The following FGF18 variants were observed in gnomAD, a reference collection of about 807,000 sequenced individuals.
FGF18 encodes fibroblast growth factor 18.
Under a neutral mutation model 23.0 loss-of-function variants are expected in FGF18, and 5 were observed. The observed-to-expected ratio is 0.22, with a 90% confidence interval of 0.11 to 0.46. The LOEUF (loss-of-function observed/expected upper bound fraction) is 0.46, where lower values mean the gene tolerates loss of function less well. Among genes scored for constraint, FGF18 ranks in the 20% least tolerant of loss-of-function variants. The pLI, the probability that FGF18 is intolerant of heterozygous loss-of-function variation, is 0.99. For missense variants in FGF18, 180 were observed against 291.6 expected (o/e 0.62, Z 2.79); for synonymous variants, 117 against 118.9 (o/e 0.98, Z 0.10).
At position 171,420,118 on chromosome 5, in the gene FGF18, C is replaced by CGGCGGA; in HGVS notation, c.-77_-72dup. On this transcript the variant is annotated 5_prime_UTR_variant, in exon 1 of 5. Coordinates refer to ENST00000274625, the MANE Select transcript of FGF18 (RefSeq NM_003862.3). ...GCAGCGGCGGCGGCGGCGGCGGCGG[C>CGGCGGA]GGCGGAGGCGCCCGGTCCCGGCCGC... 1 of 1,203,924 alleles carries CGGCGGA rather than the reference C, an allele frequency of 8.3e-7. No individual in the cohort carries two copies. Among genetic ancestry groups the CGGCGGA allele is most frequent in the South Asian group, 2.8e-5 (1 of 35,264 alleles). 74.6% of individuals were successfully genotyped at this position (1,203,924 alleles called of 1,614,324 possible). A position where few individuals can be genotyped will look rare whatever the true frequency, so the allele number is the denominator to read the frequency against.
intron 3 of FGF18, among the ~76,000 whole-genome samples, chr5:171,446,389 A>T (rs893768377): frequency 3.9e-5 from 6 of 152,266 alleles, no homozygotes; most frequent in Non-Finnish European, 8.8e-5. Context: ...CCTGGAGCCC[A>T]GGCCCCAGTA....
chr5:171,445,782 G>A (rs1222465641), intron 3 of FGF18, among the ~76,000 whole-genome samples: 1 of 152,142 alleles, frequency 6.6e-6, no homozygotes, highest in Admixed American at 6.5e-5. Context: ...CGGTGGCCCG[G>A]CCAGGGCAGT....
At position 171,436,043 on chromosome 5, in the gene FGF18, G is replaced by T; in HGVS notation, c.70-50G>T. ...TGGACGTGGCTGGCTCCTGCATGCA[G>T]TGGGCCTGGGACATCTGGGGTGGCT... is the stretch of plus-strand genomic sequence containing the variant. On this transcript the variant is annotated intron_variant, in intron 2 of 4. Coordinates refer to ENST00000274625, the MANE Select transcript of FGF18 (RefSeq NM_003862.3). This position sits in a 1 kb window ranked among gnomAD's most constrained non-coding sequence, Gnocchi z 4.4. 2.1e-6 allele frequency: 3 copies of T among 1,404,062 alleles called. No homozygotes were observed. Among genetic ancestry groups the T allele is most frequent in the South Asian group, 3.4e-5 (2 of 58,464 alleles). 87.0% of individuals were successfully genotyped at this position (1,404,062 alleles called of 1,614,324 possible).
chr5:171,430,357 CAAAA>C (rs397884738), intron 2 of FGF18, among the ~76,000 whole-genome samples: 2 of 94,884 alleles, frequency 2.1e-5, no homozygotes, highest in Non-Finnish European at 4.3e-5. Context: ...GACTGTGTCT[CAAAA>C]AAAAAAAAAA....
intron 2 of FGF18, among the ~76,000 whole-genome samples, chr5:171,421,908 AAG>A (rs1772014865): frequency 6.6e-6 from 1 of 152,042 alleles, no homozygotes; most frequent in African/African-American, 2.4e-5. Context: ...GCTGGTGTCA[AAG>A]AGGGAGGCCA....
chr5:171,439,522 G>C lies in FGF18; in HGVS notation c.250+3249G>C, dbSNP rs192882370. On this transcript the variant is annotated intron_variant, in intron 3 of 4. Transcript: ENST00000274625. Reference sequence around the variant, plus strand: ...TGGTGCTGGACACTCTGTCCTGCAGGCAGTTGCCATGTCATAGAACAGCAC... The same window carrying C: ...TGGTGCTGGACACTCTGTCCTGCAGCCAGTTGCCATGTCATAGAACAGCAC... Among the ~76,000 whole-genome samples, 165 of 152,334 alleles carry C rather than the reference G, an allele frequency of 1.1e-3. 1 individual carries two copies. The highest frequency in any genetic ancestry group is 3.7e-3 in the African/African-American group (153 of 41,566).
At chr5:171,455,603 A>G (rs2043278) in intron 4 of FGF18, among the ~76,000 whole-genome samples, 119,350 of 152,148 alleles carry the variant, frequency 0.78, 47,346 homozygotes, top group African/African-American at 0.89. Flanking sequence ...CTCCTCCTTG[A>G]CTTTGCTTCA....
At chr5:171,439,137 T>C (rs1249613656) in intron 3 of FGF18, among the ~76,000 whole-genome samples, 1 of 152,156 alleles carries the variant, frequency 6.6e-6, no homozygotes, top group East Asian at 1.9e-4. Flanking sequence ...GCTGGCTCTG[T>C]GGGTGGGCAC....
Position 171,420,213 on chromosome 5 carries a change from C to T in FGF18, c.14C>T (p.Pro5Leu). The change falls in exon 1 of 5, where the codon CCC becomes CTC. Residue 5 changes from proline to leucine, a missense_variant. By Grantham distance (98) the Pro-to-Leu change is moderately conservative (BLOSUM62 -3). Around this residue, in one of 3 missense-constraint regions of FGF18, gnomAD observed 57 missense variants for 59.8 expected, o/e 0.95. Transcript: ENST00000274625. ...TCCCGCCCAGCGATGTATTCAGCGC[C>T]CTCCGCCTGCACTTGCCTGTAAGCG... MYSA[P>L]SACTCLCLHF... 6.4e-7 allele frequency: 1 copy of T among 1,558,384 alleles called. No homozygotes were observed.
chr5:171,453,710 G>A (rs1772546376), intron 4 of FGF18, among the ~76,000 whole-genome samples: 1 of 152,168 alleles, frequency 6.6e-6, no homozygotes, highest in Non-Finnish European at 1.5e-5. Context: ...TGTTTGGCCT[G>A]TAGTTGGCAA....
chr5:171,447,604 C>T (rs1183845765), intron 3 of FGF18, among the ~76,000 whole-genome samples: 2 of 151,988 alleles, frequency 1.3e-5, no homozygotes, highest in East Asian at 1.9e-4. Context: ...AGGTGGGTAT[C>T]GTATTTTAAT....
intron 3 of FGF18, among the ~76,000 whole-genome samples, chr5:171,448,093 A>C (rs4620037): frequency 0.23 from 35,061 of 152,094 alleles, 4,173 homozygotes; most frequent in African/African-American, 0.27. Context: ...AGATTTGGAC[A>C]CAGCATACCT....
At chr5:171,442,521 C>T (rs541018828) in intron 3 of FGF18, among the ~76,000 whole-genome samples, 3 of 152,342 alleles carry the variant, frequency 2.0e-5, no homozygotes, top group African/African-American at 7.2e-5. Context: ...CCAGCCCTCG[C>T]AGGGCCCCAG....
At position 171,455,576 on chromosome 5, in the gene FGF18, G is replaced by A. The variant is rs536973305; in HGVS notation, c.358-963G>A. On this transcript the variant is annotated intron_variant, in intron 4 of 4. Coordinates refer to ENST00000274625, the MANE Select transcript of FGF18 (RefSeq NM_003862.3). ...AGAGCCCAAATGATGTGACCAGGACGTAGTTTCTGTCCTTCTCTCCTCCTT... is the reference window on the plus strand; with the variant it reads ...AGAGCCCAAATGATGTGACCAGGACATAGTTTCTGTCCTTCTCTCCTCCTT... Among the ~76,000 whole-genome samples the A allele has an allele frequency of 7.9e-5, 12 of 152,294 alleles. No homozygotes were observed. In the South Asian group the frequency reaches 1.2e-3, roughly 16 times the overall value.
chr5:171,420,609 C>T (rs1771990749), intron 2 of FGF18, among the ~76,000 whole-genome samples, 166 bp downstream of exon 2: 1 of 152,154 alleles, frequency 6.6e-6, no homozygotes, highest in South Asian at 2.1e-4. Flanking sequence ...CGCCCTGCGC[C>T]GGCGGGGAAC....
At chr5:171,437,141 G>A (rs952695872) in intron 3 of FGF18, among the ~76,000 whole-genome samples, 1 of 152,222 alleles carries the variant, frequency 6.6e-6, no homozygotes, top group African/African-American at 2.4e-5. Context: ...CCAGGCCCCA[G>A]CCTTGGGCCT....
chr5:171,443,992 G>C (rs6887274), intron 3 of FGF18, among the ~76,000 whole-genome samples: 3 of 151,708 alleles, frequency 2.0e-5, no homozygotes, highest in Admixed American at 2.0e-4. Flanking sequence ...CTCTTCATCA[G>C]ATCTGAAACC....
chr5:171,421,638 G>A (rs772171438), intron 2 of FGF18, among the ~76,000 whole-genome samples: 1 of 152,184 alleles, frequency 6.6e-6, no homozygotes, highest in Non-Finnish European at 1.5e-5. Flanking sequence ...CACTCGCAGT[G>A]TTTGGCGGTG....
intron 2 of FGF18, among the ~76,000 whole-genome samples, chr5:171,430,443 A>C (rs1047147789): frequency 6.6e-6 from 1 of 151,926 alleles, no homozygotes; most frequent in Non-Finnish European, 1.5e-5. Flanking sequence ...GATTCCTAGC[A>C]CAGAGGAAGT....
Sources: allele counts gnomAD v4.1 joint callset (sites outside exome capture counted in the v4.1 genomes callset), GRCh38; gene constraint gnomAD v4.1.1; regional missense constraint gnomAD v4.1.1; non-coding constraint Gnocchi (gnomAD v3.1); transcripts MANE v1.5; gene names NCBI Gene and HGNC (gene_info 2026-07-23, HGNC 2026-07-21).